Variants in CCDC60 observed in about 807,000 individuals in gnomAD.
The protein encoded by CCDC60 is coiled-coil domain containing 60.
CCDC60 carries 54 observed loss-of-function variants against 63.5 expected under a neutral mutation model. The ratio of observed to expected loss-of-function variants is 0.85; its 90% CI spans 0.68 to 1.07. The LOEUF (loss-of-function observed/expected upper bound fraction) is 1.07. CCDC60 is among the 50% of genes least tolerant of loss of function. CCDC60 has a pLI of 0.00. For missense variants in CCDC60, 651 were observed against 684.3 expected (o/e 0.95, Z 0.54); for synonymous variants, 206 against 238.8 (o/e 0.86, Z 1.27).
rs374957059 is a variant in CCDC60, at chr12:119,507,577, TACAC to T, written c.883+2276_883+2279del. Among the ~76,000 whole-genome samples, 65 of 40,796 alleles carry T rather than the reference TACAC, an allele frequency of 1.6e-3. 4 individuals carry two copies. Among genetic ancestry groups the T allele is most frequent in the Admixed American group, 6.4e-3 (21 of 3,284 alleles). 26.8% of individuals were successfully genotyped at this position (40,796 alleles called of 152,430 possible). On this transcript the variant is annotated intron_variant, in intron 7 of 13. Transcript: ENST00000327554. ...ATATATATATATATATATGTATATATACACATATATATACATATATATATATATA... is the reference window on the plus strand; with the variant it reads ...ATATATATATATATATATGTATATATATATATATACATATATATATATATA...
chr12:119,377,195 C>T (rs1192896022), intron 1 of CCDC60, among the ~76,000 whole-genome samples: 1 of 131,754 alleles, frequency 7.6e-6, no homozygotes, highest in Admixed American at 9.8e-5. Flanking sequence ...GCGGAGGTTG[C>T]AGCAAGCTGA....
chr12:119,360,393 A>AC (rs1320358521), intron 1 of CCDC60, among the ~76,000 whole-genome samples: 8 of 69,088 alleles, frequency 1.2e-4, no homozygotes, highest in East Asian at 8.3e-3. Flanking sequence ...CGGGGGGCTG[A>AC]CCCCCCCACC....
At chr12:119,509,234 A>C (rs1273615914) in intron 7 of CCDC60, among the ~76,000 whole-genome samples, 1 of 152,186 alleles carries the variant, frequency 6.6e-6, no homozygotes, top group Non-Finnish European at 1.5e-5. Flanking sequence ...ATACACAAAA[A>C]TTTGTGTTTT....
At chr12:119,439,868 C>T (rs1174195552) in intron 2 of CCDC60, among the ~76,000 whole-genome samples, 2 of 152,236 alleles carry the variant, frequency 1.3e-5, no homozygotes, top group East Asian at 1.9e-4. Flanking sequence ...GCCATATAGC[C>T]GACTAGACAC....
chr12:119,380,547 C>T (rs1247780902), intron 1 of CCDC60, among the ~76,000 whole-genome samples: 6 of 152,158 alleles, frequency 3.9e-5, no homozygotes, highest in African/African-American at 1.2e-4. Flanking sequence ...AATTCTTCTC[C>T]CAGGAGTTTC....
intron 2 of CCDC60, among the ~76,000 whole-genome samples, chr12:119,460,565 T>C (rs532709142): frequency 6.6e-6 from 1 of 152,342 alleles, no homozygotes; most frequent in Admixed American, 6.5e-5. Context: ...CATATTTCTT[T>C]CTTGCTCCAG....
At chr12:119,440,357 A>C (rs1451410282) in intron 2 of CCDC60, among the ~76,000 whole-genome samples, 2 of 152,006 alleles carry the variant, frequency 1.3e-5, no homozygotes, top group Non-Finnish European at 2.9e-5. Flanking sequence ...GGCGAAACCC[A>C]GTCTCTACTA....
At chr12:119,467,442 C>A (rs971112965) in intron 2 of CCDC60, among the ~76,000 whole-genome samples, 1 of 152,232 alleles carries the variant, frequency 6.6e-6, no homozygotes, top group African/African-American at 2.4e-5. Flanking sequence ...TTAGCCTCCA[C>A]CTTTGTGAAT....
intron 1 of CCDC60, among the ~76,000 whole-genome samples, chr12:119,379,097 G>A (rs1204129081): frequency 2.0e-5 from 3 of 152,214 alleles, no homozygotes; most frequent in Non-Finnish European, 2.9e-5. Flanking sequence ...CAGCATTGAA[G>A]AGGAGAAGAA....
intron 7 of CCDC60, among the ~76,000 whole-genome samples, chr12:119,513,676 G>T (rs1952274425): frequency 6.6e-6 from 1 of 152,172 alleles, no homozygotes; most frequent in South Asian, 2.1e-4. Flanking sequence ...TACGACAGTG[G>T]TCCCATAAGA....
At chr12:119,339,849 C>A (rs1955514016) in intron 1 of CCDC60, among the ~76,000 whole-genome samples, 1 of 152,170 alleles carries the variant, frequency 6.6e-6, no homozygotes, top group African/African-American at 2.4e-5. Context: ...TCTTCGCAAA[C>A]TCTGTGCTCC....
intron 1 of CCDC60, among the ~76,000 whole-genome samples, chr12:119,343,163 C>G (rs1261428255): frequency 2.0e-5 from 3 of 152,186 alleles, no homozygotes; most frequent in Admixed American, 2.0e-4. Context: ...GAGATGGTGG[C>G]ATTTTCCCTT....
rs142559734 is a variant in CCDC60 at position 119,399,725 on chromosome 12, C to T, written c.91-28958C>T. Among the ~76,000 whole-genome samples, 128 of 152,288 alleles carry T rather than the reference C, an allele frequency of 8.4e-4. 2 individuals carry two copies. In the East Asian group the frequency reaches 0.016, roughly 19 times the overall value. ...TATGTGATGCCATCAGCCTGGCTAACCTCAGCCCTCCCACATCGCACCCTG... is the reference window on the plus strand; with the variant it reads ...TATGTGATGCCATCAGCCTGGCTAATCTCAGCCCTCCCACATCGCACCCTG... On this transcript the variant is annotated intron_variant, in intron 1 of 13. Coordinates refer to ENST00000327554, the MANE Select transcript of CCDC60 (RefSeq NM_178499.5).
chr12:119,404,214 C>T (rs1040199498), intron 1 of CCDC60, among the ~76,000 whole-genome samples: 11 of 152,108 alleles, frequency 7.2e-5, no homozygotes, highest in South Asian at 2.1e-4. Context: ...CACTTGAACC[C>T]GGGAGGCTGA....
In CCDC60 at chr12:119,334,965, T is replaced by G; in HGVS notation, c.-212T>G. ...AAATAAGTCCAGGCTTGCCTGATTC[T>G]GCCCTACCCGGACTTCCTTATCCCG... On this transcript the variant is annotated 5_prime_UTR_variant, in exon 1 of 14. Transcript: ENST00000327554. 2 of 445,936 alleles carry G rather than the reference T, an allele frequency of 4.5e-6. No homozygotes were observed. Among genetic ancestry groups the G allele is most frequent in the Non-Finnish European group, 7.9e-6 (2 of 253,176 alleles). 27.6% of individuals were successfully genotyped at this position (445,936 alleles called of 1,614,324 possible). A position where few individuals can be genotyped will look rare whatever the true frequency, so the allele number is the denominator to read the frequency against.
At chr12:119,497,587 A>G (rs929984991) in intron 5 of CCDC60, among the ~76,000 whole-genome samples, 3 of 152,198 alleles carry the variant, frequency 2.0e-5, no homozygotes, top group Non-Finnish European at 4.4e-5. Context: ...ATTGGACCTG[A>G]ATAGTTAAGA....
At chr12:119,406,200 T>G (rs988239050) in intron 1 of CCDC60, among the ~76,000 whole-genome samples, 400 of 136,510 alleles carry the variant, frequency 2.9e-3, no homozygotes, top group Non-Finnish European at 4.5e-3. Context: ...TAGATATATA[T>G]ATATAGAGAG....
chr12:119,403,960 A>G (rs1196967396), intron 1 of CCDC60, among the ~76,000 whole-genome samples: 1 of 152,182 alleles, frequency 6.6e-6, no homozygotes, highest in South Asian at 2.1e-4. Flanking sequence ...TCACATACTA[A>G]TCATTCCTCA....
chr12:119,387,605 T>C (rs1956083246), intron 1 of CCDC60, among the ~76,000 whole-genome samples: 1 of 152,200 alleles, frequency 6.6e-6, no homozygotes, highest in Non-Finnish European at 1.5e-5. Context: ...TGAATGTATA[T>C]ATATATGAAT....
Sources: gnomAD v4.1 joint callset for allele counts (sites outside exome capture counted in the v4.1 genomes callset) on GRCh38, gnomAD v4.1.1 for gene constraint, MANE v1.5 for transcripts, NCBI Gene and HGNC (gene_info 2026-07-23, HGNC 2026-07-21) for gene names.